The following CACNB2 variants were observed in gnomAD, a reference collection of about 807,000 sequenced individuals.
The protein encoded by CACNB2 is voltage-dependent L-type calcium channel subunit beta-2.
A neutral mutation model predicts 73.3 loss-of-function variants in CACNB2; 42 were observed. The ratio of observed to expected loss-of-function variants is 0.57; its 90% confidence interval spans 0.45 to 0.74. CACNB2 has a LOEUF of 0.74. Ranked by LOEUF, CACNB2 falls within the 30% of genes least tolerant of loss-of-function variation. The probability of loss-of-function intolerance (pLI) is 0.00; values close to 1 mark genes in which losing one functional copy is unlikely to be tolerated. For missense variants in CACNB2, 940 were observed against 853.0 expected, an observed-to-expected ratio of 1.10 and a Z score of -1.27; for synonymous variants, 348 against 310.3, an observed-to-expected ratio of 1.12 and a Z score of -1.28.
intron 2 of CACNB2, among the ~76,000 whole-genome samples, chr10:18,285,528 GC>G (rs2038748990): frequency 6.6e-6 from 1 of 152,194 alleles, no homozygotes; most frequent in South Asian, 2.1e-4. Flanking sequence ...TCACATGGCA[GC>G]CCCAGCAGCT....
rs1038894442 is a variant in CACNB2 at position 18,539,891 on chromosome 10, G to C, written c.*167G>C. 1 of 760,716 alleles carries C rather than the reference G, an allele frequency of 1.3e-6. No homozygotes were observed. Among genetic ancestry groups the C allele is most frequent in the Admixed American group, 3.0e-5 (1 of 33,260 alleles). 47.1% of individuals were successfully genotyped at this position (760,716 alleles called of 1,614,324 possible). A position where few individuals can be genotyped will look rare whatever the true frequency, so the allele number is the denominator to read the frequency against. On this transcript the variant is annotated 3_prime_UTR_variant, in exon 14 of 14. Coordinates refer to ENST00000324631, the MANE Select transcript of CACNB2 (RefSeq NM_201596.3). The stretch of plus-strand genomic sequence containing the variant: ...ATAGCAATAGCATGGATAGAGTATT[G>C]AGATACTTTTTCTTTTGTAAGTGCT...
intron 2 of CACNB2, among the ~76,000 whole-genome samples, chr10:18,385,609 C>G (rs1200137526): frequency 6.8e-6 from 1 of 146,542 alleles, no homozygotes; most frequent in Admixed American, 6.9e-5. Flanking sequence ...TGCCACTGCA[C>G]TCCAGCCTGG....
At chr10:18,325,443 C>T (rs920407621) in intron 2 of CACNB2, among the ~76,000 whole-genome samples, 4 of 152,126 alleles carry the variant, frequency 2.6e-5, no homozygotes, top group African/African-American at 9.7e-5. Flanking sequence ...AATCCTCCTG[C>T]CTTGGCCTCC....
chr10:18,247,114 C>T (rs140243175), intron 2 of CACNB2, among the ~76,000 whole-genome samples: 40 of 152,296 alleles, frequency 2.6e-4, no homozygotes, highest in African/African-American at 8.4e-4. Context: ...CACCTCGACA[C>T]GTGAGACCCG....
chr10:18,333,298 T>A lies in CACNB2; in HGVS notation c.214-68626T>A, dbSNP rs145134671. Among the ~76,000 whole-genome samples, 384 of 152,334 alleles carry A rather than the reference T, an allele frequency of 2.5e-3. 1 individual carries two copies. The highest frequency in any genetic ancestry group is 8.7e-3 in the African/African-American group (363 of 41,588). ...GAAGCTGCTGAATTGCAGGCGGGAT[T>A]GATCATGGCTTCTTAGAGGGATAAA... is the stretch of plus-strand genomic sequence containing the variant. On this transcript the variant is annotated intron_variant, in intron 2 of 13. Transcript: ENST00000324631.
In CACNB2 at chr10:18,140,847, C is replaced by A. The variant is rs541730178; in HGVS notation, c.111C>A (p.Ala37=). The A allele has an allele frequency of 8.9e-5, 143 of 1,601,518 alleles. 1 individual carries two copies. The South Asian group carries it at 1.5e-3, about 17-fold the overall frequency. The part of the protein sequence containing the change: ...ENVAPAGALG[A]AAQSYGKGAR... Reference sequence around the variant, plus strand: ...TGGCTCCCGCGGGGGCGCTCGGAGCCGCCGCACAGGTAGCGAGAGCGCGGC... The same window carrying A: ...TGGCTCCCGCGGGGGCGCTCGGAGCAGCCGCACAGGTAGCGAGAGCGCGGC... The change falls in exon 1 of 14, where the codon GCC becomes GCA. Residue 37 remains alanine (A), a synonymous_variant. Coordinates refer to ENST00000324631, the MANE Select transcript of CACNB2 (RefSeq NM_201596.3).
At chr10:18,525,923 G>T (rs1197510648) in intron 9 of CACNB2, among the ~76,000 whole-genome samples, 3 of 151,840 alleles carry the variant, frequency 2.0e-5, no homozygotes, top group Non-Finnish European at 4.4e-5. Flanking sequence ...ATAGAAATTT[G>T]TTCTAGTCTC....
intron 2 of CACNB2, among the ~76,000 whole-genome samples, chr10:18,304,742 A>G (rs2039662042): frequency 6.6e-6 from 1 of 152,244 alleles, no homozygotes; most frequent in African/African-American, 2.4e-5. Flanking sequence ...CAAGAATGTT[A>G]GCTCGATGCT....
rs1396891923 is a variant in CACNB2, at chr10:18,148,113, A to G, written c.121-2770A>G. Among the ~76,000 whole-genome samples the G allele has an allele frequency of 1.9e-4, 29 of 152,016 alleles. 1 individual carries two copies. Among genetic ancestry groups the G allele is most frequent in the Admixed American group, 1.7e-3 (26 of 15,246 alleles). On this transcript the variant is annotated intron_variant, in intron 1 of 13. Coordinates refer to ENST00000324631, the MANE Select transcript of CACNB2 (RefSeq NM_201596.3). ...AGTTTTTTAAAAAAAAAGAAACTTT[A>G]GAAGAGAAATTCCTGTGGAAATTAG...
At position 18,150,880 on chromosome 10, in the gene CACNB2, T is replaced by TTTTTTTTTTTTTTG; in HGVS notation, c.121-3_121-2insTTTTTTTTTTTTTG. ...CTTTTTTTTTTTTTTTTTTTTTTTTTAGTCATATGGAAAAGGAGCCAGAAG... is the reference window on the plus strand; with the variant it reads ...CTTTTTTTTTTTTTTTTTTTTTTTTTTTTTTTTTTTTTTGAGTCATATGGAAAAGGAGCCAGAAG... On this transcript the variant is annotated splice_polypyrimidine_tract_variant and splice_region_variant and intron_variant, in intron 1 of 13. Transcript: ENST00000324631. The TTTTTTTTTTTTTTG allele has an allele frequency of 2.3e-6, 3 of 1,300,366 alleles. No individual in the cohort carries two copies. Among genetic ancestry groups the TTTTTTTTTTTTTTG allele is most frequent in the Non-Finnish European group, 3.2e-6 (3 of 943,298 alleles). The allele number at this position is 1,300,366 out of a possible 1,614,324, so 80.6% of individuals were successfully genotyped here.
chr10:18,514,201 C>G, intron 6 of CACNB2, 35 bp from the exon 7 acceptor site: 1 of 1,611,656 alleles, frequency 6.2e-7, no homozygotes, highest in Non-Finnish European at 8.5e-7. Context: ...TTTTTCCTCT[C>G]CTGTCCACCT....
chr10:18,444,886 CATG>C (rs1037349236), intron 3 of CACNB2, among the ~76,000 whole-genome samples: 12 of 152,164 alleles, frequency 7.9e-5, no homozygotes, highest in Admixed American at 3.9e-4. Flanking sequence ...TCAATGATAT[CATG>C]AGAAGCAAAA....
At chr10:18,141,743 G>A (rs2030433443) in intron 1 of CACNB2, among the ~76,000 whole-genome samples, 1 of 152,252 alleles carries the variant, frequency 6.6e-6, no homozygotes, top group South Asian at 2.1e-4. Context: ...GCGATGAGGA[G>A]TCGCTCAACT....
At chr10:18,247,390 A>C (rs1457971792) in intron 2 of CACNB2, among the ~76,000 whole-genome samples, 1 of 152,168 alleles carries the variant, frequency 6.6e-6, no homozygotes, top group Non-Finnish European at 1.5e-5. Context: ...ACATATTTTT[A>C]CTTCTCCGCT....
intron 3 of CACNB2, among the ~76,000 whole-genome samples, chr10:18,408,719 G>T (rs1589265640): frequency 6.6e-6 from 1 of 152,126 alleles, no homozygotes; most frequent in African/African-American, 2.4e-5. Flanking sequence ...TCTTTCTCTT[G>T]CTGGATCACG....
intron 3 of CACNB2, among the ~76,000 whole-genome samples, chr10:18,444,313 C>A (rs1314409036): frequency 1.3e-5 from 2 of 152,078 alleles, no homozygotes; most frequent in South Asian, 2.1e-4. Context: ...TGAGGACAGT[C>A]GAGTGCAAAG....
chr10:18,356,308 C>T (rs758978421), intron 2 of CACNB2, among the ~76,000 whole-genome samples: 2 of 152,248 alleles, frequency 1.3e-5, no homozygotes, highest in Non-Finnish European at 2.9e-5. Flanking sequence ...AGGAAGCCCA[C>T]TGTCTATACC....
chr10:18,422,760 C>T (rs538942212), intron 3 of CACNB2, among the ~76,000 whole-genome samples: 5 of 152,100 alleles, frequency 3.3e-5, no homozygotes, highest in African/African-American at 7.2e-5. Flanking sequence ...AGTGCAATGG[C>T]GGATCTCAGC....
chr10:18,178,595 G>T lies in CACNB2; in HGVS notation c.213+27620G>T, dbSNP rs59523856. Among the ~76,000 whole-genome samples, 951 of 152,210 alleles carry T rather than the reference G, an allele frequency of 6.2e-3. 15 individuals carry two copies. Among genetic ancestry groups the T allele is most frequent in the African/African-American group, 0.021 (871 of 41,526 alleles). On this transcript the variant is annotated intron_variant, in intron 2 of 13. Transcript: ENST00000324631. ...CACAAAGATAGTGATTTGGGAGAAG[G>T]TTCTTTTCCCTATTTGCTTGTTTCA...
Sources: gnomAD v4.1 joint callset for allele counts (sites outside exome capture counted in the v4.1 genomes callset) on GRCh38, gnomAD v4.1.1 for gene constraint, MANE v1.5 for transcripts, NCBI Gene and HGNC (gene_info 2026-07-23, HGNC 2026-07-21) for gene names.